Variants in PARD3B observed in about 807,000 individuals in gnomAD.
PARD3B encodes partitioning defective 3 homolog B.
PARD3B carries 103 observed loss-of-function variants against 130.2 expected under a neutral mutation model. That is an observed-to-expected ratio of 0.79 (90% CI 0.67 to 0.93). The LOEUF is 0.93. Among genes scored for constraint, PARD3B ranks in the 40% least tolerant of loss-of-function variants. The probability of loss-of-function intolerance (pLI) is 0.00; values close to 1 mark genes in which losing one functional copy is unlikely to be tolerated. For missense variants in PARD3B, 1,609 were observed against 1,499.2 expected (o/e 1.07, Z -1.21); for synonymous variants, 583 against 553.2 (o/e 1.05, Z -0.76).
In PARD3B at chr2:205,616,033, A is replaced by C; in HGVS notation, c.*220A>C. On this transcript the variant is annotated 3_prime_UTR_variant, in exon 23 of 23. Transcript: ENST00000406610. ...CAGAAGGAAGACGAAAGATGGGGCT[A>C]TAAAAACAAAACTACCTGATAGTTG... 1 of 546,436 alleles carries C rather than the reference A, an allele frequency of 1.8e-6. No homozygotes were observed. The highest frequency in any genetic ancestry group is 3.2e-6 in the Non-Finnish European group (1 of 312,482). 33.8% of individuals were successfully genotyped at this position (546,436 alleles called of 1,614,324 possible). A position where few individuals can be genotyped will look rare whatever the true frequency, so the allele number is the denominator to read the frequency against.
intron 10 of PARD3B, among the ~76,000 whole-genome samples, chr2:205,155,679 C>A (rs1418311476): frequency 6.6e-6 from 1 of 152,144 alleles, no homozygotes; most frequent in Non-Finnish European, 1.5e-5. Context: ...TAAAAGTGTT[C>A]CTATTTCTCC....
intron 1 of PARD3B, among the ~76,000 whole-genome samples, chr2:204,562,151 A>G (rs1184697423): frequency 6.6e-6 from 1 of 152,034 alleles, no homozygotes; most frequent in African/African-American, 2.4e-5. Context: ...ATGCCCTCAG[A>G]TTTCTAAATT....
intron 1 of PARD3B, among the ~76,000 whole-genome samples, chr2:204,590,584 C>T (rs577948652): frequency 6.6e-6 from 1 of 152,246 alleles, no homozygotes; most frequent in South Asian, 2.1e-4. Context: ...GAGAAAGGAG[C>T]TGGGAACATA....
chr2:205,250,052 CT>C (rs916254027), intron 16 of PARD3B, among the ~76,000 whole-genome samples: 32 of 150,494 alleles, frequency 2.1e-4, no homozygotes, highest in African/African-American at 7.0e-4. Context: ...TTTAGCACAG[CT>C]TTTTTTTTAT....
chr2:205,168,948 G>GA (rs1286781978), intron 11 of PARD3B, among the ~76,000 whole-genome samples: 9 of 152,154 alleles, frequency 5.9e-5, no homozygotes, highest in African/African-American at 2.2e-4. Context: ...TTAACTAGCT[G>GA]AACAAGTCTA....
intron 2 of PARD3B, among the ~76,000 whole-genome samples, chr2:204,889,165 T>C (rs1467325684): frequency 1.3e-5 from 2 of 152,172 alleles, no homozygotes; most frequent in South Asian, 2.1e-4. Flanking sequence ...CTAGATCCAT[T>C]AACTCTTAAG....
intron 10 of PARD3B, among the ~76,000 whole-genome samples, chr2:205,134,098 G>T (rs2032258845): frequency 6.6e-6 from 1 of 151,882 alleles, no homozygotes; most frequent in African/African-American, 2.4e-5. Context: ...TCAAGTTAGA[G>T]ATATCACAGA....
chr2:205,368,976 T>G (rs1376905933), intron 18 of PARD3B, among the ~76,000 whole-genome samples: 1 of 152,064 alleles, frequency 6.6e-6, no homozygotes, highest in Admixed American at 6.5e-5. Flanking sequence ...TAACCTGTAC[T>G]TCAGTTCTTT....
intron 18 of PARD3B, among the ~76,000 whole-genome samples, chr2:205,348,516 G>C (rs1298051861): frequency 6.6e-6 from 1 of 152,186 alleles, no homozygotes; most frequent in East Asian, 1.9e-4. Flanking sequence ...TTAGGAAAGA[G>C]AATCACTGAA....
intron 18 of PARD3B, among the ~76,000 whole-genome samples, chr2:205,375,480 A>G (rs2045007279): frequency 6.6e-6 from 1 of 152,208 alleles, no homozygotes; most frequent in African/African-American, 2.4e-5. Flanking sequence ...GAGACCTTTC[A>G]GCAAGGTTTA....
intron 4 of PARD3B, among the ~76,000 whole-genome samples, chr2:205,094,790 A>T (rs1702307910): frequency 6.6e-6 from 1 of 152,186 alleles, no homozygotes; most frequent in Non-Finnish European, 1.5e-5. Context: ...GCTTTTGTAT[A>T]GCTTTGCATC....
At chr2:204,666,421 G>A (rs1230394215) in intron 1 of PARD3B, among the ~76,000 whole-genome samples, 1 of 152,126 alleles carries the variant, frequency 6.6e-6, no homozygotes, top group Non-Finnish European at 1.5e-5. Flanking sequence ...TTGGATTAAA[G>A]CAGTAGTAGG....
intron 20 of PARD3B, among the ~76,000 whole-genome samples, chr2:205,447,712 A>T (rs1271442066): frequency 6.6e-6 from 1 of 152,208 alleles, no homozygotes; most frequent in Admixed American, 6.5e-5. Context: ...TAGCACCTTC[A>T]GTGGTCAAGC....
intron 3 of PARD3B, among the ~76,000 whole-genome samples, chr2:204,984,515 A>G (rs1427297405): frequency 6.6e-6 from 1 of 152,170 alleles, no homozygotes; most frequent in Non-Finnish European, 1.5e-5. Flanking sequence ...TTTTGTATTT[A>G]ATATGAATAA....
chr2:205,142,235 C>CAT lies in PARD3B; in HGVS notation c.1435-16485_1435-16484dup, dbSNP rs1456181034. Among the ~76,000 whole-genome samples the CAT allele has an allele frequency of 6.6e-6, 1 of 152,026 alleles. No homozygotes were observed. The highest frequency in any genetic ancestry group is 1.5e-5 in the Non-Finnish European group (1 of 67,998). On this transcript the variant is annotated intron_variant, in intron 10 of 22. Coordinates refer to ENST00000406610, the MANE Select transcript of PARD3B (RefSeq NM_001302769.2). The surrounding 1 kb of genome is among the most constrained non-coding windows in gnomAD (Gnocchi z 4.3). ...GTGGCAAAGCAGGGTAAAGAGAGAG[C>CAT]ATAAGTTTTAGGTGGAGAGAATCCC...
At chr2:205,151,566 C>G in intron 10 of PARD3B, among the ~76,000 whole-genome samples, 1 of 152,146 alleles carries the variant, frequency 6.6e-6, no homozygotes, top group South Asian at 2.1e-4. Context: ...TCTGTTTTAT[C>G]AGAGACTAGG....
At chr2:205,439,171 T>C (rs71427785) in intron 19 of PARD3B, among the ~76,000 whole-genome samples, 14,426 of 152,194 alleles carry the variant, frequency 0.095, 955 homozygotes, top group African/African-American at 0.19. Context: ...TAGGGGAAGA[T>C]ACTGATGGGT....
chr2:205,485,619 T>G (rs1216236399), intron 20 of PARD3B, among the ~76,000 whole-genome samples: 1 of 152,178 alleles, frequency 6.6e-6, no homozygotes, highest in Non-Finnish European at 1.5e-5. Context: ...AGGATGGTGG[T>G]GCTGGCCCTA....
At chr2:205,103,785 AC>A in intron 4 of PARD3B, 1 of 971,706 alleles carries the variant, frequency 1.0e-6, no homozygotes, top group African/African-American at 1.8e-5. Context: ...ATCCAATACA[AC>A]TTTTCCACTG....
Sources: gnomAD v4.1 joint callset for allele counts (sites outside exome capture counted in the v4.1 genomes callset) on GRCh38, gnomAD v4.1.1 for gene constraint, Gnocchi (gnomAD v3.1) non-coding constraint, MANE v1.5 for transcripts, NCBI Gene and HGNC (gene_info 2026-07-23, HGNC 2026-07-21) for gene names.